DGKI: variants seen among roughly 807,000 people sequenced by gnomAD.
DGKI encodes the protein diacylglycerol kinase iota.
In DGKI, 55 loss-of-function variants were observed where a neutral mutation model predicts 147.5. The ratio of observed to expected loss-of-function variants is 0.37; its 90% CI spans 0.30 to 0.47. The LOEUF (loss-of-function observed/expected upper bound fraction) is 0.47. Ranked by LOEUF, DGKI falls within the 20% of genes least tolerant of loss-of-function variation. The pLI, the probability that DGKI is intolerant of heterozygous loss-of-function variation, is 1.00. For missense variants in DGKI, 1,007 were observed against 1,323.8 expected (o/e 0.76, Z 3.71); for synonymous variants, 469 against 477.1 (o/e 0.98, Z 0.22).
intron 1 of DGKI, among the ~76,000 whole-genome samples, chr7:137,703,656 A>T (rs2116523478): frequency 6.6e-6 from 1 of 152,324 alleles, no homozygotes; most frequent in Admixed American, 6.5e-5. Context: ...AGACTTCAGT[A>T]GTCATACACA....
chr7:137,619,801 A>C, intron 8 of DGKI, 23 bp downstream of exon 8: 1 of 1,573,758 alleles, frequency 6.4e-7, no homozygotes. Context: ...CTGGCCCAGC[A>C]GCACCAGAGT....
At chr7:137,572,629 A>G in intron 18 of DGKI, 136 bp downstream of exon 18, 1 of 616,326 alleles carries the variant, frequency 1.6e-6, no homozygotes, top group Admixed American at 3.3e-5. Context: ...ATGAATTATC[A>G]GACCTAGAAA....
chr7:137,824,259 A>G (rs925225670), intron 1 of DGKI, among the ~76,000 whole-genome samples: 8 of 152,190 alleles, frequency 5.3e-5, no homozygotes, highest in African/African-American at 1.7e-4. Flanking sequence ...GCTCACGCCT[A>G]TAATCCCAGC....
At chr7:137,563,554 G>A (rs1212179256) in intron 19 of DGKI, among the ~76,000 whole-genome samples, 1 of 151,744 alleles carries the variant, frequency 6.6e-6, no homozygotes, top group East Asian at 1.9e-4. Context: ...AAAAAAACAA[G>A]CTACTGGATC....
chr7:137,528,020 G>A lies in DGKI; in HGVS notation c.2148-6054C>T, dbSNP rs572956829. Among the ~76,000 whole-genome samples, 3 of 152,242 alleles carry A rather than the reference G, an allele frequency of 2.0e-5. No individual in the cohort carries two copies. In the South Asian group the frequency reaches 6.2e-4, roughly 32 times the overall value. On this transcript the variant is annotated intron_variant, in intron 20 of 32. Transcript: ENST00000614521. The stretch of plus-strand genomic sequence containing the variant: ...AGCTCCAGCAGCTAGAACAATGCCT[G>A]GTCCATGTTGCTTACAATAAATGTT...
At chr7:137,439,118 T>A (rs1045656422) in intron 28 of DGKI, among the ~76,000 whole-genome samples, 1 of 152,216 alleles carries the variant, frequency 6.6e-6, no homozygotes, top group Admixed American at 6.5e-5. Flanking sequence ...GAGGGCCAAG[T>A]ACACAGTAGT....
At chr7:137,400,212 G>A (rs1227807716) in intron 30 of DGKI, among the ~76,000 whole-genome samples, 1 of 152,164 alleles carries the variant, frequency 6.6e-6, no homozygotes, top group Non-Finnish European at 1.5e-5. Context: ...GTCAGCAAGG[G>A]GCTTAAGTAC....
At chr7:137,496,049 A>G (rs1267575707) in intron 21 of DGKI, among the ~76,000 whole-genome samples, 1 of 152,050 alleles carries the variant, frequency 6.6e-6, no homozygotes, top group East Asian at 1.9e-4. Flanking sequence ...GATTCTATAC[A>G]TAAAGAACCC....
rs1295839975 is a variant in DGKI, at chr7:137,381,954, G to A, written c.*9266C>T. 1 of 152,036 alleles carries A rather than the reference G, an allele frequency of 6.6e-6. No individual in the cohort carries two copies. The highest frequency in any genetic ancestry group is 1.5e-5 in the Non-Finnish European group (1 of 67,986). 9.4% of individuals were successfully genotyped at this position (152,036 alleles called of 1,614,324 possible). A position where few individuals can be genotyped will look rare whatever the true frequency, so the allele number is the denominator to read the frequency against. On this transcript the variant is annotated 3_prime_UTR_variant, in exon 33 of 33. Coordinates refer to ENST00000614521, the MANE Select transcript of DGKI (RefSeq NM_001321708.2). ...TGGAAATTATGCTTGTATGTAATTA[G>A]AGTCTCAATCCAACCAATGATGGGT...
chr7:137,441,263 T>C (rs981095775), intron 28 of DGKI, among the ~76,000 whole-genome samples: 1 of 150,744 alleles, frequency 6.6e-6, no homozygotes, highest in African/African-American at 2.4e-5. Flanking sequence ...TACTAAAAAA[T>C]ACAAAAAATT....
intron 23 of DGKI, among the ~76,000 whole-genome samples, chr7:137,470,951 C>A (rs1276665489): frequency 6.6e-6 from 1 of 152,160 alleles, no homozygotes; most frequent in African/African-American, 2.4e-5. Context: ...GTCTCAGAAG[C>A]TTTTATTTCT....
At chr7:137,502,924 G>A (rs749801660) in intron 21 of DGKI, among the ~76,000 whole-genome samples, 14 of 152,072 alleles carry the variant, frequency 9.2e-5, no homozygotes, top group Non-Finnish European at 1.9e-4. Flanking sequence ...ATGGACTCAC[G>A]AGTCCCATAT....
intron 10 of DGKI, among the ~76,000 whole-genome samples, chr7:137,605,223 G>A (rs1585277845): frequency 6.6e-6 from 1 of 152,008 alleles, no homozygotes; most frequent in South Asian, 2.1e-4. Flanking sequence ...CAAGAGAATT[G>A]CTTGAACCTG....
At chr7:137,776,669 C>T (rs967788919) in intron 1 of DGKI, among the ~76,000 whole-genome samples, 3 of 152,098 alleles carry the variant, frequency 2.0e-5, no homozygotes, top group Admixed American at 6.5e-5. Flanking sequence ...CATATAACCA[C>T]GCAATCGATC....
intron 30 of DGKI, among the ~76,000 whole-genome samples, chr7:137,402,062 T>C (rs1811780363): frequency 6.6e-6 from 1 of 152,192 alleles, no homozygotes; most frequent in African/African-American, 2.4e-5. Context: ...TCAACACCTG[T>C]CAAACGGAGA....
chr7:137,497,750 C>T (rs185066429), intron 21 of DGKI, among the ~76,000 whole-genome samples: 217 of 152,054 alleles, frequency 1.4e-3, no homozygotes, highest in Non-Finnish European at 2.5e-3. Context: ...ACAAATATTC[C>T]CCACCTTTGT....
chr7:137,613,885 C>A (rs925634753), intron 8 of DGKI, among the ~76,000 whole-genome samples: 3 of 152,180 alleles, frequency 2.0e-5, no homozygotes, highest in Non-Finnish European at 4.4e-5. Context: ...CACACCCTTA[C>A]ACTCGAAGTG....
intron 20 of DGKI, 102 bp from the exon 21 acceptor site, chr7:137,522,068 G>A: frequency 2.5e-6 from 2 of 791,022 alleles, no homozygotes; most frequent in Non-Finnish European, 4.0e-6. Flanking sequence ...ATGTTTAGAA[G>A]GAAGAGTTCA....
intron 1 of DGKI, among the ~76,000 whole-genome samples, chr7:137,732,811 T>C (rs947302792): frequency 1.3e-5 from 2 of 151,688 alleles, no homozygotes; most frequent in Non-Finnish European, 2.9e-5. Context: ...CCACATAGTC[T>C]CCACAACACA....
Sources: gnomAD v4.1 joint callset for allele counts (sites outside exome capture counted in the v4.1 genomes callset) on GRCh38, gnomAD v4.1.1 for gene constraint, MANE v1.5 for transcripts, NCBI Gene and HGNC (gene_info 2026-07-23, HGNC 2026-07-21) for gene names.